The following DSC2 variants were observed in gnomAD, a reference collection of about 807,000 sequenced individuals.
DSC2 encodes desmocollin 2.
Under a neutral mutation model 87.6 loss-of-function variants are expected in DSC2, and 51 were observed. The ratio of observed to expected loss-of-function variants is 0.58; its 90% confidence interval spans 0.46 to 0.74. The LOEUF is 0.74. DSC2 is among the 30% of genes least tolerant of loss of function. The pLI, the probability that DSC2 is intolerant of heterozygous loss-of-function variation, is 0.00. For synonymous variants in DSC2, 383 were observed against 393.2 expected (o/e 0.97, Z 0.31); for missense variants, 1,066 against 1,089.5 (o/e 0.98, Z 0.30).
In DSC2 at chr18:31,063,441, C is replaced by T. The variant is rs995959987; in HGVS notation, c.*4574G>A. 6.6e-6 allele frequency: 1 copy of T among 151,992 alleles called. No individual in the cohort carries two copies. Among genetic ancestry groups the T allele is most frequent in the African/African-American group, 2.4e-5 (1 of 41,370 alleles). 9.4% of individuals were successfully genotyped at this position (151,992 alleles called of 1,614,324 possible). A position where few individuals can be genotyped will look rare whatever the true frequency, so the allele number is the denominator to read the frequency against. ...AAAGAAAAGAAACACACACACAAAC[C>T]TGTAGATGAAAACTTTACAGCCATG... On this transcript the variant is annotated 3_prime_UTR_variant, in exon 16 of 16. Transcript: ENST00000280904.
chr18:31,077,306 G>C (rs918501285), intron 11 of DSC2, among the ~76,000 whole-genome samples: 10 of 152,164 alleles, frequency 6.6e-5, no homozygotes, highest in Non-Finnish European at 1.0e-4. Context: ...ATGCTATGTG[G>C]TGTTACCTTG....
intron 12 of DSC2, among the ~76,000 whole-genome samples, chr18:31,073,373 GCACACACACACACA>G (rs34582584): frequency 2.0e-5 from 3 of 146,978 alleles, no homozygotes; most frequent in African/African-American, 5.0e-5. Context: ...ACACACACAC[GCACACACACACACA>G]CACACACACA....
chr18:31,075,785 G>A (rs1158139197), intron 11 of DSC2, among the ~76,000 whole-genome samples: 2 of 152,118 alleles, frequency 1.3e-5, no homozygotes, highest in East Asian at 3.9e-4. Context: ...GGGAGGCGGA[G>A]GTTGCAGTGA....
chr18:31,062,493 T>G lies in DSC2; in HGVS notation c.*5522A>C, dbSNP rs1349792598. 2 of 152,142 alleles carry G rather than the reference T, an allele frequency of 1.3e-5. No homozygotes were observed. Among genetic ancestry groups the G allele is most frequent in the Non-Finnish European group, 2.9e-5 (2 of 68,028 alleles). The allele number at this position is 152,142 out of a possible 1,614,324, so 9.4% of individuals were successfully genotyped here. ...TTCACATTGGCTAAAAATTTTCAAG[T>G]TGAGAAAAAGAATTCTTTAGGCAAT... On this transcript the variant is annotated 3_prime_UTR_variant, in exon 16 of 16. Coordinates refer to ENST00000280904, the MANE Select transcript of DSC2 (RefSeq NM_024422.6).
At chr18:31,093,121 C>T (rs1158845294) in intron 2 of DSC2, among the ~76,000 whole-genome samples, 1 of 152,118 alleles carries the variant, frequency 6.6e-6, no homozygotes, top group Admixed American at 6.5e-5. Flanking sequence ...CACAGCAAAT[C>T]AGGATTTATT....
At chr18:31,101,864 C>CG in intron 1 of DSC2, 39 bp downstream of exon 1, 1 of 1,506,896 alleles carries the variant, frequency 6.6e-7, no homozygotes, top group African/African-American at 1.4e-5. Context: ...CCTAGGCGAT[C>CG]GCCCCCTTCC....
At chr18:31,075,068 T>C (rs561062993) in intron 11 of DSC2, among the ~76,000 whole-genome samples, 161 bp from the exon 12 acceptor site, 25 of 152,128 alleles carry the variant, frequency 1.6e-4, no homozygotes, top group Non-Finnish European at 3.2e-4. Context: ...ACAAGAAAAA[T>C]AGTATTACTT....
At chr18:31,071,171 A>ATT (rs1986815241) in intron 13 of DSC2, among the ~76,000 whole-genome samples, 1 of 151,868 alleles carries the variant, frequency 6.6e-6, no homozygotes, top group Non-Finnish European at 1.5e-5. Context: ...AAATATGTAA[A>ATT]TTAAATATAT....
intron 1 of DSC2, among the ~76,000 whole-genome samples, chr18:31,097,212 C>T (rs1987789083): frequency 6.6e-6 from 1 of 150,736 alleles, no homozygotes; most frequent in African/African-American, 2.4e-5. Flanking sequence ...GGTGTGAACC[C>T]GAGAGGCAGA....
chr18:31,068,235 G>GT, intron 15 of DSC2, 23 bp from the exon 16 acceptor site: 1 of 1,613,210 alleles, frequency 6.2e-7, no homozygotes, highest in Admixed American at 1.7e-5. Flanking sequence ...AAAACACAAC[G>GT]TTTTTATTAT....
At chr18:31,068,510 AT>A in intron 15 of DSC2, among the ~76,000 whole-genome samples, 1 of 152,326 alleles carries the variant, frequency 6.6e-6, no homozygotes, top group East Asian at 1.9e-4. Flanking sequence ...ACATGCATCC[AT>A]TAAACTGAAG....
intron 1 of DSC2, among the ~76,000 whole-genome samples, chr18:31,095,286 G>A (rs1437236585): frequency 6.6e-6 from 1 of 152,168 alleles, no homozygotes; most frequent in African/African-American, 2.4e-5. Flanking sequence ...CACAGCGAGG[G>A]AAGAGTGACA....
intron 12 of DSC2, 85 bp from the exon 13 acceptor site, chr18:31,071,926 T>C (rs957922794): frequency 8.1e-7 from 1 of 1,237,146 alleles, no homozygotes. Flanking sequence ...CAGATAGTTA[T>C]ATTTTCCTAG....
chr18:31,085,743 C>A (rs1053557029), intron 7 of DSC2, among the ~76,000 whole-genome samples: 1 of 151,802 alleles, frequency 6.6e-6, no homozygotes, highest in South Asian at 2.1e-4. Flanking sequence ...AAATAAAATA[C>A]CTGATAAACA....
chr18:31,076,651 A>G (rs896960678), intron 11 of DSC2, among the ~76,000 whole-genome samples: 3 of 152,204 alleles, frequency 2.0e-5, no homozygotes, highest in African/African-American at 7.2e-5. Flanking sequence ...AAAAGAGAAT[A>G]GACAGAATGG....
intron 1 of DSC2, among the ~76,000 whole-genome samples, chr18:31,096,068 C>A (rs911930957): frequency 6.6e-6 from 1 of 152,048 alleles, no homozygotes; most frequent in African/African-American, 2.4e-5. Context: ...ATCTTTTTTC[C>A]TAACGAGAAT....
intron 11 of DSC2, among the ~76,000 whole-genome samples, chr18:31,078,399 A>C (rs553497110): frequency 6.8e-4 from 104 of 152,282 alleles, no homozygotes; most frequent in Non-Finnish European, 1.2e-3. Context: ...GCAGTGCCCC[A>C]TCTCAATTCC....
At chr18:31,081,406 C>A (rs1987214621) in intron 9 of DSC2, among the ~76,000 whole-genome samples, 1 of 152,080 alleles carries the variant, frequency 6.6e-6, no homozygotes, top group East Asian at 1.9e-4. Flanking sequence ...AGGTCTTGGA[C>A]TTCACACAAA....
chr18:31,088,906 G>A (rs562067611), intron 5 of DSC2, among the ~76,000 whole-genome samples: 3 of 152,006 alleles, frequency 2.0e-5, no homozygotes, highest in African/African-American at 7.3e-5. Flanking sequence ...GCTCAGTCCT[G>A]TAATCCCAGC....
Sources: gnomAD v4.1 joint callset for allele counts (sites outside exome capture counted in the v4.1 genomes callset) on GRCh38, gnomAD v4.1.1 for gene constraint, MANE v1.5 for transcripts, NCBI Gene and HGNC (gene_info 2026-07-23, HGNC 2026-07-21) for gene names.